Variants in MOV10L1 observed in about 807,000 individuals in gnomAD.
MOV10L1 encodes Mov10 like RNA helicase 1.
MOV10L1 carries 110 observed loss-of-function variants against 143.8 expected under a neutral mutation model. That is an observed-to-expected ratio of 0.76 (90% CI 0.66 to 0.90). MOV10L1 has a LOEUF of 0.90. Ranked by LOEUF, MOV10L1 falls within the 40% of genes least tolerant of loss-of-function variation. The probability of loss-of-function intolerance (pLI) is 0.00; values close to 1 mark genes in which losing one functional copy is unlikely to be tolerated. For missense variants in MOV10L1, 1,406 were observed against 1,526.8 expected, an observed-to-expected ratio of 0.92 and a Z score of 1.32; for synonymous variants, 593 against 581.1, an observed-to-expected ratio of 1.02 and a Z score of -0.29.
At chr22:50,157,626 C>T (rs1460475915) in intron 22 of MOV10L1, among the ~76,000 whole-genome samples, 4 of 151,952 alleles carry the variant, frequency 2.6e-5, no homozygotes, top group South Asian at 2.1e-4. Context: ...GCCGTATATT[C>T]GAGGGTTTAT....
chr22:50,109,689 AAAAT>A, intron 5 of MOV10L1: 2 of 225,080 alleles, frequency 8.9e-6, no homozygotes, highest in Non-Finnish European at 1.8e-5. Flanking sequence ...AAAAAAAAAA[AAAAT>A]TAGCCGAGCA....
chr22:50,107,636 C>T (rs940848597), intron 3 of MOV10L1, among the ~76,000 whole-genome samples: 3 of 152,212 alleles, frequency 2.0e-5, no homozygotes, highest in African/African-American at 7.2e-5. Flanking sequence ...CAGTTTTCCA[C>T]CAGCTGCGGG....
At chr22:50,111,805 G>A (rs977061834) in intron 5 of MOV10L1, among the ~76,000 whole-genome samples, 1 of 152,014 alleles carries the variant, frequency 6.6e-6, no homozygotes, top group African/African-American at 2.4e-5. Context: ...GCCCGGCCCC[G>A]AGTCTTTATT....
At chr22:50,098,911 C>T (rs2062665794) in intron 2 of MOV10L1, among the ~76,000 whole-genome samples, 1 of 152,152 alleles carries the variant, frequency 6.6e-6, no homozygotes, top group Admixed American at 6.6e-5. Flanking sequence ...GCTTTTTGTG[C>T]ATCAGTTGAG....
rs756761089 is a variant in MOV10L1 at position 50,128,407 on chromosome 22, CTT to C, written c.1819-4_1819-3del. 9 of 1,393,222 alleles carry C rather than the reference CTT, an allele frequency of 6.5e-6. No individual in the cohort carries two copies. In the South Asian group the frequency reaches 1.1e-4, roughly 17 times the overall value. 86.3% of individuals were successfully genotyped at this position (1,393,222 alleles called of 1,614,324 possible). ...AAGAAATCAGGTATATTGTTTGTTC[CTT>C]TTTTAGATTCATGAAGAAGATGTAA... On this transcript the variant is annotated splice_region_variant and splice_polypyrimidine_tract_variant and intron_variant, in intron 12 of 26. Coordinates refer to ENST00000262794, the MANE Select transcript of MOV10L1 (RefSeq NM_018995.3).
At chr22:50,151,902 C>A (rs9628292) in intron 21 of MOV10L1, among the ~76,000 whole-genome samples, 8,269 of 152,304 alleles carry the variant, frequency 0.054, 285 homozygotes, top group African/African-American at 0.084. Flanking sequence ...TGGGCAGTGT[C>A]CTGCACCCTC....
chr22:50,115,016 G>A (rs1602196420), intron 7 of MOV10L1, 98 bp from the exon 8 acceptor site: 2 of 1,314,904 alleles, frequency 1.5e-6, no homozygotes, highest in East Asian at 4.8e-5. Flanking sequence ...ATCTGTCTTT[G>A]TGTGTGTGAG....
At chr22:50,125,875 C>T (rs1326611857) in intron 11 of MOV10L1, among the ~76,000 whole-genome samples, 1 of 152,030 alleles carries the variant, frequency 6.6e-6, no homozygotes, top group Non-Finnish European at 1.5e-5. Flanking sequence ...GCAACCTCTG[C>T]CTCCCGGGTT....
In MOV10L1 at chr22:50,161,635, CCACA is replaced by C; in HGVS notation, c.*187_*190del. 1.8e-6 allele frequency: 1 copy of C among 567,812 alleles called. No homozygotes were observed. Among genetic ancestry groups the C allele is most frequent in the East Asian group, 3.1e-5 (1 of 32,604 alleles). The allele number at this position is 567,812 out of a possible 1,614,324, so 35.2% of individuals were successfully genotyped here. The stretch of plus-strand genomic sequence containing the variant: ...TTTGGCATATGCCAGCCTGTTCCTG[CCACA>C]GGGCAGTCACTGCCGCCTACCCTGA... On this transcript the variant is annotated 3_prime_UTR_variant, in exon 27 of 27. Transcript: ENST00000262794.
Position 50,134,040 on chromosome 22 carries a change from A to G in MOV10L1, c.1944A>G (p.Glu648=), listed in dbSNP as rs142618813. ...TTSRRCHFAL[E]HVIHLGVKVL... ...GCAGACGGTGTCACTTTGCACTTGA[A>G]CACGTCATCCACTTAGGTGTAAAAG... The change falls in exon 14 of 27, where the codon GAA becomes GAG. Residue 648 remains glutamate, a synonymous_variant. Coordinates refer to ENST00000262794, the MANE Select transcript of MOV10L1 (RefSeq NM_018995.3). 52 of 1,612,446 alleles carry G rather than the reference A, an allele frequency of 3.2e-5. No homozygotes were observed. In the African/African-American group the frequency reaches 4.8e-4, roughly 15 times the overall value.
At chr22:50,123,109 G>A (rs906489808) in intron 10 of MOV10L1, among the ~76,000 whole-genome samples, 1 of 151,436 alleles carries the variant, frequency 6.6e-6, no homozygotes, top group African/African-American at 2.4e-5. Flanking sequence ...TACCTGGGAG[G>A]CGCTTGAGCC....
intron 8 of MOV10L1, among the ~76,000 whole-genome samples, chr22:50,116,229 A>G (rs562414943): frequency 6.6e-6 from 1 of 151,714 alleles, no homozygotes; most frequent in East Asian, 1.9e-4. Context: ...CAACATAGAA[A>G]CAGGTTTTTT....
At chr22:50,143,361 A>G in intron 17 of MOV10L1, 140 bp downstream of exon 17, 1 of 1,008,190 alleles carries the variant, frequency 9.9e-7, no homozygotes, top group Non-Finnish European at 1.5e-6. Context: ...TCATAATGTT[A>G]AGTCTGTTTT....
chr22:50,135,794 A>G (rs1218662000), intron 15 of MOV10L1, among the ~76,000 whole-genome samples: 2 of 151,944 alleles, frequency 1.3e-5, no homozygotes, highest in Non-Finnish European at 2.9e-5. Flanking sequence ...CACTCCATAA[A>G]TAGTAATATA....
intron 17 of MOV10L1, 45 bp from the exon 18 acceptor site, chr22:50,144,052 C>A: frequency 6.3e-7 from 1 of 1,582,786 alleles, no homozygotes; most frequent in South Asian, 1.1e-5. Context: ...TTCCACCTTG[C>A]GGTGTGGATG....
rs77102045 is a variant in MOV10L1 at position 50,154,403 on chromosome 22, T to A, written c.3066+1185T>A. ...GAAACTCCCATCTCTTAAAAAAAAATTTTTTTTTTTTTAAATTAGCTGAGC... is the reference window on the plus strand; with the variant it reads ...GAAACTCCCATCTCTTAAAAAAAAAATTTTTTTTTTTTAAATTAGCTGAGC... On this transcript the variant is annotated intron_variant, in intron 22 of 26. Coordinates refer to ENST00000262794, the MANE Select transcript of MOV10L1 (RefSeq NM_018995.3). 9.9e-4 allele frequency among the ~76,000 whole-genome samples: 144 copies of A among 145,256 alleles called. 1 individual carries two copies. Among genetic ancestry groups the A allele is most frequent in the East Asian group, 6.6e-3 (33 of 5,038 alleles).
chr22:50,125,344 A>T, intron 10 of MOV10L1, 48 bp from the exon 11 acceptor site: 1 of 1,565,268 alleles, frequency 6.4e-7, no homozygotes, highest in Non-Finnish European at 8.8e-7. Flanking sequence ...TACTTTCCAG[A>T]GTGCTGCTGA....
intron 2 of MOV10L1, among the ~76,000 whole-genome samples, chr22:50,092,422 G>T (rs1240482772): frequency 2.0e-5 from 3 of 152,120 alleles, no homozygotes; most frequent in Non-Finnish European, 4.4e-5. Flanking sequence ...CTTGAGCTCA[G>T]GTGTTAAGAG....
At chr22:50,160,881 C>T in intron 25 of MOV10L1, 56 bp downstream of exon 25, 1 of 1,613,074 alleles carries the variant, frequency 6.2e-7, no homozygotes, top group African/African-American at 1.3e-5. Flanking sequence ...GGGTCCGGGT[C>T]ACTCGGGGTG....
Sources: allele counts gnomAD v4.1 joint callset (sites outside exome capture counted in the v4.1 genomes callset), GRCh38; gene constraint gnomAD v4.1.1; transcripts MANE v1.5; gene names NCBI Gene and HGNC (gene_info 2026-07-23, HGNC 2026-07-21).